The following SMCO3 variants were observed in gnomAD, a reference collection of about 807,000 sequenced individuals.
The protein encoded by SMCO3 is single-pass membrane and coiled-coil domain-containing protein 3.
SMCO3 carries 6 observed loss-of-function variants against 12.0 expected under a neutral mutation model. The observed-to-expected ratio is 0.50, with a 90% confidence interval of 0.27 to 0.99. SMCO3 has a LOEUF of 0.99. SMCO3 is among the 50% of genes least tolerant of loss of function. The pLI is 0.11. For synonymous variants in SMCO3, 96 were observed against 96.4 expected, an observed-to-expected ratio of 1.00 and a Z score of 0.02; for missense variants, 279 against 265.0, an observed-to-expected ratio of 1.05 and a Z score of -0.37.
chr12:14,805,824 T>C lies in SMCO3; in HGVS notation c.*179A>G, dbSNP rs372371636. On this transcript the variant is annotated 3_prime_UTR_variant, in exon 2 of 2. Transcript: ENST00000316048. ...GGTCTAGCATCAGCTGATCCAGGCA[T>C]TGTTGACTCAAAACTCATCTAGTCA... 1.5e-6 allele frequency: 1 copy of C among 681,536 alleles called. No homozygotes were observed. The allele number at this position is 681,536 out of a possible 1,614,324, so 42.2% of individuals were successfully genotyped here.
Position 14,806,228 on chromosome 12 carries a change from C to G in SMCO3, c.453G>C (p.Val151=). 1 of 1,614,216 alleles carries G rather than the reference C, an allele frequency of 6.2e-7. No homozygotes were observed. The highest frequency in any genetic ancestry group is 8.5e-7 in the Non-Finnish European group (1 of 1,180,040). ...GGAGAGAAGCACCAATTTGAGCTAACACAGTGACCAACTTGTTAATTATGC... is the reference window on the plus strand; with the variant it reads ...GGAGAGAAGCACCAATTTGAGCTAAGACAGTGACCAACTTGTTAATTATGC... The part of the protein sequence containing the change: ...TTGIINKLVT[V]LAQIGASLLG... Residue 151 remains valine (V), a synonymous_variant, in exon 2 of 2, where the codon GTG becomes GTC. Coordinates refer to ENST00000316048, the MANE Select transcript of SMCO3 (RefSeq NM_001013698.2).
chr12:14,811,110 T>C (rs928626214), intron 1 of SMCO3, among the ~76,000 whole-genome samples: 5 of 152,226 alleles, frequency 3.3e-5, no homozygotes, highest in African/African-American at 1.2e-4. Context: ...TATGGTAAGT[T>C]TGAACTTTTA....
In SMCO3 at chr12:14,804,757, A is replaced by G. The variant is rs1950022193; in HGVS notation, c.*1246T>C. 6.6e-6 allele frequency: 1 copy of G among 152,244 alleles called. No individual in the cohort carries two copies. The highest frequency in any genetic ancestry group is 1.5e-5 in the Non-Finnish European group (1 of 68,036). 9.4% of individuals were successfully genotyped at this position (152,244 alleles called of 1,614,324 possible). On this transcript the variant is annotated 3_prime_UTR_variant, in exon 2 of 2. Coordinates refer to ENST00000316048, the MANE Select transcript of SMCO3 (RefSeq NM_001013698.2). ...TTTTGAAAAACAATGCAAGAAGAGA[A>G]AGAGAAAACAGTGTATGTTGGAAAT...
In SMCO3 at chr12:14,806,641, T is replaced by A. The variant is rs1950056247; in HGVS notation, c.40A>T (p.Arg14Trp). The change falls in exon 2 of 2, where the codon AGG (arginine) becomes TGG (tryptophan). Residue 14 changes from arginine (R) to tryptophan (W), a missense_variant. Transcript: ENST00000316048. ...TGAAGACGATTTACTTCTTCCCGCC[T>A]TTTTGGGTTCTCTGGGTAAAGGAAG... Reference protein sequence around the residue: ...SDFLYPENPKRREEVNRLHQQ... With the variant: ...SDFLYPENPKWREEVNRLHQQ... 1 of 1,609,468 alleles carries A rather than the reference T, an allele frequency of 6.2e-7. No individual in the cohort carries two copies. Among genetic ancestry groups the A allele is most frequent in the Admixed American group, 1.7e-5 (1 of 58,906 alleles).
In SMCO3 at chr12:14,805,936, C is replaced by T. The variant is rs1950040805; in HGVS notation, c.*67G>A. 1 of 1,457,768 alleles carries T rather than the reference C, an allele frequency of 6.9e-7. No individual in the cohort carries two copies. Among genetic ancestry groups the T allele is most frequent in the African/African-American group, 1.4e-5 (1 of 70,548 alleles). The allele number at this position is 1,457,768 out of a possible 1,614,324, so 90.3% of individuals were successfully genotyped here. A position where few individuals can be genotyped will look rare whatever the true frequency, so the allele number is the denominator to read the frequency against. On this transcript the variant is annotated 3_prime_UTR_variant, in exon 2 of 2. Coordinates refer to ENST00000316048, the MANE Select transcript of SMCO3 (RefSeq NM_001013698.2). ...GAAGCCTATAGAAAATGAACCTAAT[C>T]AAAGAAGCAAACACTGTTACTGAAA... is the stretch of plus-strand genomic sequence containing the variant.
Position 14,804,858 on chromosome 12 carries a change from A to G in SMCO3, c.*1145T>C, listed in dbSNP as rs1031939537. On this transcript the variant is annotated 3_prime_UTR_variant, in exon 2 of 2. Coordinates refer to ENST00000316048, the MANE Select transcript of SMCO3 (RefSeq NM_001013698.2). ...GATATGCTGAGCAGTTTTTATTTCA[A>G]TACATTTCTTGTACTTGGATGGGAG... 1 of 152,250 alleles carries G rather than the reference A, an allele frequency of 6.6e-6. No individual in the cohort carries two copies. Among genetic ancestry groups the G allele is most frequent in the African/African-American group, 2.4e-5 (1 of 41,470 alleles). The allele number at this position is 152,250 out of a possible 1,614,324, so 9.4% of individuals were successfully genotyped here. A position where few individuals can be genotyped will look rare whatever the true frequency, so the allele number is the denominator to read the frequency against.
Position 14,814,150 on chromosome 12 carries a change from G to A in SMCO3, c.-41C>T, listed in dbSNP as rs1950183686. 6.6e-6 allele frequency: 1 copy of A among 152,132 alleles called. No homozygotes were observed. The highest frequency in any genetic ancestry group is 6.5e-5 in the Admixed American group (1 of 15,274). 9.4% of individuals were successfully genotyped at this position (152,132 alleles called of 1,614,324 possible). On this transcript the variant is annotated 5_prime_UTR_variant, in exon 1 of 2. Transcript: ENST00000316048. ...CCTTGCTGTGTTTCTGAGTTCCGTG[G>A]TCCTAGCAGTTGTTTAGGAGTATTG...
At chr12:14,811,813 C>G (rs1950144075) in intron 1 of SMCO3, among the ~76,000 whole-genome samples, 1 of 152,146 alleles carries the variant, frequency 6.6e-6, no homozygotes, top group African/African-American at 2.4e-5. Flanking sequence ...CGTTGACTGT[C>G]AAGTGCTGTT....
intron 1 of SMCO3, among the ~76,000 whole-genome samples, chr12:14,807,710 C>T (rs1440613022): frequency 6.6e-6 from 1 of 152,064 alleles, no homozygotes. Flanking sequence ...AAGGTAGGCA[C>T]TATACAGGGC....
At chr12:14,811,169 C>T (rs1230918170) in intron 1 of SMCO3, among the ~76,000 whole-genome samples, 3 of 152,140 alleles carry the variant, frequency 2.0e-5, no homozygotes, top group Admixed American at 1.3e-4. Flanking sequence ...TGAAAAGTTC[C>T]ACTTGGGGAA....
rs1405403691 is a variant in SMCO3, at chr12:14,806,483, A to G, written c.198T>C (p.Cys66=). 3.1e-6 allele frequency: 5 copies of G among 1,614,130 alleles called. No homozygotes were observed. The highest frequency in any genetic ancestry group is 4.2e-6 in the Non-Finnish European group (5 of 1,180,020). The change falls in exon 2 of 2, where the codon TGT becomes TGC. Residue 66 remains cysteine (C), a synonymous_variant. Coordinates refer to ENST00000316048, the MANE Select transcript of SMCO3 (RefSeq NM_001013698.2). Reference sequence around the variant, plus strand: ...TCATAATGGCTTGGATGATGAGGTCACAGTTTTCTTTGATGGTCCCATCTC... The same window carrying G: ...TCATAATGGCTTGGATGATGAGGTCGCAGTTTTCTTTGATGGTCCCATCTC... ...MKRDGTIKEN[C]DLIIQAIMKI... is the part of the protein sequence containing the mutation.
At chr12:14,810,144 A>G (rs1950113968) in intron 1 of SMCO3, among the ~76,000 whole-genome samples, 1 of 152,112 alleles carries the variant, frequency 6.6e-6, no homozygotes, top group Non-Finnish European at 1.5e-5. Context: ...AGTCAGACTT[A>G]CCTTCCTAGC....
At position 14,806,235 on chromosome 12, in the gene SMCO3, A is replaced by G. The variant is rs1950046930; in HGVS notation, c.446T>C (p.Val149Ala). 3.7e-6 allele frequency: 6 copies of G among 1,614,226 alleles called. No homozygotes were observed. The highest frequency in any genetic ancestry group is 5.1e-6 in the Non-Finnish European group (6 of 1,180,032). ...AGCACCAATTTGAGCTAACACAGTG[A>G]CCAACTTGTTAATTATGCCAGTTGT... is the stretch of plus-strand genomic sequence containing the variant. The part of the protein sequence containing the change: ...NVTTGIINKL[V>A]TVLAQIGASL... Residue 149 changes from valine (V) to alanine (A), a missense_variant, in exon 2 of 2, where the codon GTC becomes GCC. Coordinates refer to ENST00000316048, the MANE Select transcript of SMCO3 (RefSeq NM_001013698.2).
At chr12:14,808,622 A>G (rs757573364) in intron 1 of SMCO3, among the ~76,000 whole-genome samples, 1 of 152,226 alleles carries the variant, frequency 6.6e-6, no homozygotes, top group Non-Finnish European at 1.5e-5. Context: ...TCGTATGGAT[A>G]TAAGTTGGCA....
intron 1 of SMCO3, among the ~76,000 whole-genome samples, chr12:14,809,748 A>G (rs1198720039): frequency 6.6e-6 from 1 of 152,222 alleles, no homozygotes; most frequent in Non-Finnish European, 1.5e-5. Flanking sequence ...TTTGACTAAC[A>G]AAGATGGCCA....
intron 1 of SMCO3, among the ~76,000 whole-genome samples, chr12:14,813,570 T>TA (rs1950173304): frequency 2.0e-5 from 3 of 152,260 alleles, no homozygotes; most frequent in Non-Finnish European, 4.4e-5. Flanking sequence ...AAGCCTCTAC[T>TA]GTGTCCCTTG....
At chr12:14,807,254 A>G (rs933745614) in intron 1 of SMCO3, among the ~76,000 whole-genome samples, 11 of 152,212 alleles carry the variant, frequency 7.2e-5, no homozygotes, top group Non-Finnish European at 1.5e-4. Flanking sequence ...GTGGTGAGAA[A>G]TATTCATCGT....
In SMCO3 at chr12:14,806,179, G is replaced by C; in HGVS notation, c.502C>G (p.Leu168Val). 6.2e-7 allele frequency: 1 copy of C among 1,614,142 alleles called. No individual in the cohort carries two copies. Among genetic ancestry groups the C allele is most frequent in the East Asian group, 2.2e-5 (1 of 44,878 alleles). The change falls in exon 2 of 2, where the codon CTT (leucine) becomes GTT (valine). Residue 168 changes from leucine (L) to valine (V), a missense_variant. Leu to Val is a conservative substitution (Grantham distance 32). Transcript: ENST00000316048. The part of the protein sequence containing the change: ...SLLGSIGVAV[L>V]GLGIDMIVRA... Reference sequence around the variant, plus strand: ...ACAATCATATCTATGCCAAGGCCAAGAACAGCAACTCCAATACTACCAAGG... The same window carrying C: ...ACAATCATATCTATGCCAAGGCCAACAACAGCAACTCCAATACTACCAAGG...
At chr12:14,810,738 A>T (rs775301384) in intron 1 of SMCO3, among the ~76,000 whole-genome samples, 1 of 152,176 alleles carries the variant, frequency 6.6e-6, no homozygotes, top group Non-Finnish European at 1.5e-5. Context: ...GTATTCTTAG[A>T]TATGTGCTTG....
Sources: allele counts gnomAD v4.1 joint callset (sites outside exome capture counted in the v4.1 genomes callset), GRCh38; gene constraint gnomAD v4.1.1; transcripts MANE v1.5; gene names NCBI Gene and HGNC (gene_info 2026-07-23, HGNC 2026-07-21).